SLC10A2: variants seen among roughly 807,000 people sequenced by gnomAD.
SLC10A2 encodes the protein ileal sodium/bile acid cotransporter.
Under a neutral mutation model 27.1 loss-of-function variants are expected in SLC10A2, and 34 were observed. That is an observed-to-expected ratio of 1.26 (90% CI 0.96 to 1.67). The LOEUF is 1.67. SLC10A2 is among the 40% of genes most tolerant of loss of function. The pLI, the probability that SLC10A2 is intolerant of heterozygous loss-of-function variation, is 0.00. For synonymous variants in SLC10A2, 205 were observed against 174.0 expected (o/e 1.18, Z -1.40); for missense variants, 530 against 444.4 (o/e 1.19, Z -1.73).
rs1255123109 is a variant in SLC10A2 at position 103,051,184 on chromosome 13, T to C, written c.761+73A>G. ...CCACTCAGTTTGTGGTTCTGTCTTATGGCACCTCTAGCAAAGGAATACAAC... is the reference window on the plus strand; with the variant it reads ...CCACTCAGTTTGTGGTTCTGTCTTACGGCACCTCTAGCAAAGGAATACAAC... On this transcript the variant is annotated intron_variant, in intron 4 of 5. Transcript: ENST00000245312. 1.0e-5 allele frequency: 15 copies of C among 1,485,306 alleles called. 1 individual carries two copies. Among genetic ancestry groups the C allele is most frequent in the African/African-American group, 1.4e-5 (1 of 72,548 alleles). The allele number at this position is 1,485,306 out of a possible 1,614,324, so 92.0% of individuals were successfully genotyped here.
intron 2 of SLC10A2, among the ~76,000 whole-genome samples, chr13:103,055,297 C>A (rs1171063889): frequency 6.6e-6 from 1 of 152,148 alleles, no homozygotes; most frequent in Non-Finnish European, 1.5e-5. Context: ...CAATTTGCAG[C>A]AGTGGTTTTA....
chr13:103,058,346 G>A lies in SLC10A2; in HGVS notation c.414C>T (p.Leu138=), dbSNP rs147058685. The A allele has an allele frequency of 2.2e-5, 35 of 1,613,796 alleles. No individual in the cohort carries two copies. The highest frequency in any genetic ancestry group is 1.7e-4 in the Middle Eastern group (1 of 6,058). The stretch of plus-strand genomic sequence containing the variant: ...TAAGGAGGCACAGCGGCATCATTCC[G>A]AGGGCAAGCAGTGTGGAGCATGTGG... ...SMTTCSTLLA[L]GMMPLCLLIY... is the part of the protein sequence containing the mutation. The change falls in exon 2 of 6, where the codon CTC becomes CTT. Residue 138 remains leucine, a synonymous_variant. Coordinates refer to ENST00000245312, the MANE Select transcript of SLC10A2 (RefSeq NM_000452.3).
intron 5 of SLC10A2, among the ~76,000 whole-genome samples, chr13:103,048,475 T>C (rs1747711975): frequency 6.6e-6 from 1 of 151,960 alleles, no homozygotes; most frequent in Non-Finnish European, 1.5e-5. Flanking sequence ...AACCAAACTA[T>C]ATCTCTGGAC....
rs199534069 is a variant in SLC10A2, at chr13:103,051,477, G to T, written c.586-45C>A. 6 of 1,597,462 alleles carry T rather than the reference G, an allele frequency of 3.8e-6. No homozygotes were observed. In the South Asian group the frequency reaches 5.5e-5, roughly 15 times the overall value. On this transcript the variant is annotated intron_variant, in intron 3 of 5. Transcript: ENST00000245312. ...GTGAACCCAGCAATCATGAGTCAAA[G>T]CAAATCCAAGTATGTTTGTCAGAGA...
At chr13:103,059,592 T>C (rs890587496) in intron 1 of SLC10A2, among the ~76,000 whole-genome samples, 2 of 152,200 alleles carry the variant, frequency 1.3e-5, no homozygotes, top group East Asian at 1.9e-4. Flanking sequence ...CCTCCCCTTT[T>C]ATTCTTAAGG....
Position 103,051,415 on chromosome 13 carries a change from G to A in SLC10A2, c.603C>T (p.Gly201=), listed in dbSNP as rs144379807. ...CAGCTATGAGCACAATGAGGATGGC[G>A]CCCGCGATGGACCCAATCTGAAAAA... The part of the protein sequence containing the change: ...KIILKIGSIA[G]AILIVLIAVV... Residue 201 remains glycine (G), a synonymous_variant, in exon 4 of 6, where the codon GGC becomes GGT. Transcript: ENST00000245312. 1.8e-4 allele frequency: 294 copies of A among 1,613,824 alleles called. 1 individual carries two copies. The highest frequency in any genetic ancestry group is 2.2e-4 in the Non-Finnish European group (256 of 1,179,912).
At position 103,051,301 on chromosome 13, in the gene SLC10A2, G is replaced by T; in HGVS notation, c.717C>A (p.Ser239=). The T allele has an allele frequency of 6.2e-7, 1 of 1,614,040 alleles. No individual in the cohort carries two copies. The change falls in exon 4 of 6, where the codon TCC becomes TCA. Residue 239 remains serine (S), a synonymous_variant. Coordinates refer to ENST00000245312, the MANE Select transcript of SLC10A2 (RefSeq NM_000452.3). The part of the protein sequence containing the change: ...IGTIFPVAGY[S]LGFLLARIAG... ...CAATTCTAGCCAGAAGAAACCCCAG[G>T]GAGTAACCCGCCACAGGAAATATTG...
At position 103,044,826 on chromosome 13, in the gene SLC10A2, A is replaced by G. The variant is rs991908571; in HGVS notation, c.*1307T>C. On this transcript the variant is annotated 3_prime_UTR_variant, in exon 6 of 6. Transcript: ENST00000245312. ...TTCTGATTGCTGCAGAATGAGGGAA[A>G]GGAAATTAAATTCGATCTTATAATT... The G allele has an allele frequency of 1.3e-5, 2 of 152,208 alleles. No homozygotes were observed. Among genetic ancestry groups the G allele is most frequent in the African/African-American group, 4.8e-5 (2 of 41,446 alleles). 9.4% of individuals were successfully genotyped at this position (152,208 alleles called of 1,614,324 possible).
At chr13:103,064,850 G>A (rs1202526256) in intron 1 of SLC10A2, among the ~76,000 whole-genome samples, 1 of 152,132 alleles carries the variant, frequency 6.6e-6, no homozygotes, top group African/African-American at 2.4e-5. Flanking sequence ...AAAGCTTCTG[G>A]AGAAACCAGC....
intron 4 of SLC10A2, 30 bp downstream of exon 4, chr13:103,051,227 A>G (rs1875767654): frequency 2.5e-6 from 4 of 1,610,350 alleles, no homozygotes; most frequent in Non-Finnish European, 3.4e-6. Flanking sequence ...ACAGATTAAA[A>G]TTCCCAATGT....
intron 4 of SLC10A2, among the ~76,000 whole-genome samples, 190 bp from the exon 5 acceptor site, chr13:103,049,636 C>A (rs1440103389): frequency 6.6e-6 from 1 of 152,020 alleles, no homozygotes; most frequent in Non-Finnish European, 1.5e-5. Context: ...TATTATACAT[C>A]ATCTCACCTA....
chr13:103,058,523 T>C, intron 1 of SLC10A2, 141 bp from the exon 2 acceptor site: 1 of 678,330 alleles, frequency 1.5e-6, no homozygotes, highest in East Asian at 2.7e-5. Flanking sequence ...ACTTGTGTCA[T>C]GGGGGTTTGT....
chr13:103,065,740 T>G (rs987643899), intron 1 of SLC10A2, 133 bp downstream of exon 1: 47 of 1,004,764 alleles, frequency 4.7e-5, no homozygotes, highest in Non-Finnish European at 6.5e-5. Flanking sequence ...GGGAATGCAT[T>G]TATTCTCTCC....
intron 5 of SLC10A2, 73 bp downstream of exon 5, chr13:103,049,216 A>T (rs1436689884): frequency 3.3e-6 from 5 of 1,533,084 alleles, no homozygotes; most frequent in East Asian, 2.3e-5. Context: ...GGGGAGTTTT[A>T]AAAAAATGTT....
At position 103,045,906 on chromosome 13, in the gene SLC10A2, T is replaced by A. The variant is rs200229961; in HGVS notation, c.*227A>T. On this transcript the variant is annotated 3_prime_UTR_variant, in exon 6 of 6. Coordinates refer to ENST00000245312, the MANE Select transcript of SLC10A2 (RefSeq NM_000452.3). ...TTCAATGACAATATATCTATATGAG[T>A]ATACATACATATATAAAACATATAC... The A allele has an allele frequency of 4.2e-6, 2 of 472,258 alleles. No individual in the cohort carries two copies. The highest frequency in any genetic ancestry group is 7.6e-6 in the Non-Finnish European group (2 of 261,494). 29.3% of individuals were successfully genotyped at this position (472,258 alleles called of 1,614,324 possible).
intron 2 of SLC10A2, among the ~76,000 whole-genome samples, chr13:103,056,393 G>T (rs1180873867): frequency 6.6e-6 from 1 of 151,480 alleles, no homozygotes; most frequent in Non-Finnish European, 1.5e-5. Context: ...AGTGCTAATT[G>T]ATTTTTCATT....
In SLC10A2 at chr13:103,052,608, T is replaced by G. The variant is rs1754596472; in HGVS notation, c.585+12A>C. ...CAGTGGAATATTTAATGGTGTGAAC[T>G]GGGATACTTACTTTAAGTATGATCT... On this transcript the variant is annotated intron_variant, in intron 3 of 5. Transcript: ENST00000245312. The G allele has an allele frequency of 2.0e-6, 3 of 1,533,650 alleles. No homozygotes were observed. Among genetic ancestry groups the G allele is most frequent in the Non-Finnish European group, 2.7e-6 (3 of 1,106,766 alleles).
At chr13:103,050,996 G>A (rs1875760828) in intron 4 of SLC10A2, among the ~76,000 whole-genome samples, 1 of 152,144 alleles carries the variant, frequency 6.6e-6, no homozygotes, top group African/African-American at 2.4e-5. Context: ...ACAGAGAGGT[G>A]CACTGAGGAA....
In SLC10A2 at chr13:103,045,965, G is replaced by A; in HGVS notation, c.*168C>T. 1.5e-6 allele frequency: 1 copy of A among 671,572 alleles called. No individual in the cohort carries two copies. The highest frequency in any genetic ancestry group is 2.5e-6 in the Non-Finnish European group (1 of 392,164). 41.6% of individuals were successfully genotyped at this position (671,572 alleles called of 1,614,324 possible). On this transcript the variant is annotated 3_prime_UTR_variant, in exon 6 of 6. Coordinates refer to ENST00000245312, the MANE Select transcript of SLC10A2 (RefSeq NM_000452.3). ...AGGAAACAATATTTGTCCCATTAAA[G>A]AATTGGGCCACCAGTCACTTGGTAC... is the stretch of plus-strand genomic sequence containing the variant.
Sources: gnomAD v4.1 joint callset for allele counts (sites outside exome capture counted in the v4.1 genomes callset) on GRCh38, gnomAD v4.1.1 for gene constraint, MANE v1.5 for transcripts, NCBI Gene and HGNC (gene_info 2026-07-23, HGNC 2026-07-21) for gene names.